Variants in SLC23A3 observed in about 807,000 individuals in gnomAD.
SLC23A3 encodes E2-binding protein 3.
Under a neutral mutation model 64.7 loss-of-function variants are expected in SLC23A3, and 41 were observed. That is an observed-to-expected ratio of 0.63 (90% confidence interval 0.49 to 0.82). SLC23A3 has a LOEUF of 0.82. SLC23A3 is among the 40% of genes least tolerant of loss of function. The pLI is 0.00. For missense variants in SLC23A3, 647 were observed against 733.4 expected (o/e 0.88, Z 1.36); for synonymous variants, 281 against 306.8 (o/e 0.92, Z 0.88).
intron 7 of SLC23A3, 60 bp downstream of exon 7, chr2:219,167,870 T>G (rs999779536): frequency 7.9e-7 from 1 of 1,273,842 alleles, no homozygotes; most frequent in African/African-American, 1.5e-5. Context: ...ATTAAGTTCT[T>G]TGAGTTCAAA....
In SLC23A3 at chr2:219,168,295, C is replaced by T. The variant is rs1559210392; in HGVS notation, c.698G>A (p.Cys233Tyr). The T allele has an allele frequency of 1.2e-6, 2 of 1,611,288 alleles. No homozygotes were observed. Residue 233 changes from cysteine (C) to tyrosine (Y), a missense_variant, in exon 6 of 12, where the codon TGT (cysteine) becomes TAT (tyrosine). Transcript: ENST00000409878. ...CTGGCAGGAGCCCAGGTGCTGAGAA[C>T]AGACCACCATGAGCAGGATAACCCT... ...ALLVILLMVV[C>Y]SQHLGSCQFH... is the part of the protein sequence containing the mutation.
rs1195118331 is a variant in SLC23A3 at position 219,162,587 on chromosome 2, T to G, written c.1442-193A>C. ...CAGGCCTTTCCCACAGGATTCCTGC[T>G]CAACACCCTGTGTTCTGATCATCCA... On this transcript the variant is annotated intron_variant, in intron 10 of 11. Transcript: ENST00000409878. 2.6e-5 allele frequency among the ~76,000 whole-genome samples: 4 copies of G among 152,212 alleles called. No individual in the cohort carries two copies. The East Asian group carries it at 7.7e-4, about 29-fold the overall frequency.
intron 5 of SLC23A3, 102 bp downstream of exon 5, chr2:219,168,550 C>A: frequency 8.1e-7 from 1 of 1,237,348 alleles, no homozygotes; most frequent in South Asian, 1.5e-5. Flanking sequence ...TGTCCCTATT[C>A]CAGTCGCTGC....
Position 219,168,259 on chromosome 2 carries a change from C to G in SLC23A3, c.734G>C (p.Cys245Ser). Residue 245 changes from cysteine to serine, a missense_variant, in exon 6 of 12, where the codon TGC becomes TCC. Physicochemically the swap from Cys to Ser is moderately radical, Grantham distance 112. Transcript: ENST00000409878. ...QHLGSCQFHV[C>S]PWRRASTSST... ...TGACGTTGAAGCTCGCCTCCAGGGG[C>G]ACACATGAAACTGGCAGGAGCCCAG... The G allele has an allele frequency of 6.2e-7, 1 of 1,613,906 alleles. No homozygotes were observed. Among genetic ancestry groups the G allele is most frequent in the East Asian group, 2.2e-5 (1 of 44,872 alleles).
intron 5 of SLC23A3, 159 bp from the exon 6 acceptor site, chr2:219,168,477 C>CA (rs1424603782): frequency 4.4e-6 from 5 of 1,132,046 alleles, no homozygotes; most frequent in Non-Finnish European, 3.7e-6. Flanking sequence ...CAGCAGAAAA[C>CA]AGTGTGAAAT....
At chr2:219,164,979 C>T (rs915135638) in intron 8 of SLC23A3, 190 bp downstream of exon 8, 8 of 704,252 alleles carry the variant, frequency 1.1e-5, no homozygotes, top group Non-Finnish European at 1.8e-5. Flanking sequence ...GTGCCTCATG[C>T]ACAGGAGTTC....
At chr2:219,166,132 C>CA (rs35073041) in intron 7 of SLC23A3, among the ~76,000 whole-genome samples, 55 of 143,180 alleles carry the variant, frequency 3.8e-4, no homozygotes, top group Middle Eastern at 3.5e-3. Context: ...AACTCCATTT[C>CA]AAAAAAAAAA....
At chr2:219,168,408 G>C (rs917149753) in intron 5 of SLC23A3, 90 bp from the exon 6 acceptor site, 15 of 1,404,874 alleles carry the variant, frequency 1.1e-5, no homozygotes, top group African/African-American at 1.5e-5. Context: ...TCATAAGAGC[G>C]GGGGGTGATA....
chr2:219,168,779 C>G lies in SLC23A3; in HGVS notation c.547G>C (p.Gly183Arg), dbSNP rs766127702. ...GLLQGMMGLLGSPGHVFPHCG... is the reference protein window; with the variant it reads ...GLLQGMMGLLRSPGHVFPHCG... The stretch of plus-strand genomic sequence containing the variant: ...TGGGGGAACACGTGGCCGGGACTCC[C>G]CAGCAGCCCCATCATGCCCTGCAGC... The change falls in exon 5 of 12, where the codon GGG (glycine) becomes CGG (arginine). Residue 183 changes from glycine (G) to arginine (R), a missense_variant. Gly to Arg is a moderately radical substitution (Grantham distance 125, BLOSUM62 -2). Transcript: ENST00000409878. The G allele has an allele frequency of 3.7e-6, 6 of 1,608,074 alleles. No homozygotes were observed. Among genetic ancestry groups the G allele is most frequent in the Non-Finnish European group, 5.1e-6 (6 of 1,176,926 alleles).
intron 9 of SLC23A3, among the ~76,000 whole-genome samples, chr2:219,163,916 G>A (rs942013880): frequency 2.6e-5 from 4 of 152,112 alleles, no homozygotes; most frequent in African/African-American, 7.2e-5. Flanking sequence ...TGGCCAGGCT[G>A]ATCTCGAACT....
At chr2:219,163,579 G>A (rs1574757048) in intron 9 of SLC23A3, 24 bp from the exon 10 acceptor site, 1 of 1,613,676 alleles carries the variant, frequency 6.2e-7, no homozygotes, top group Non-Finnish European at 8.5e-7. Flanking sequence ...AAGAAATCAA[G>A]GGGGTCAGGA....
chr2:219,168,604 C>T (rs1950027648), intron 5 of SLC23A3, 48 bp downstream of exon 5: 1 of 1,576,282 alleles, frequency 6.3e-7, no homozygotes, highest in African/African-American at 1.3e-5. Context: ...CTAGTCCCCC[C>T]ATACACCCCC....
intron 10 of SLC23A3, 41 bp downstream of exon 10, chr2:219,163,347 G>T: frequency 6.3e-7 from 1 of 1,597,582 alleles, no homozygotes; most frequent in Non-Finnish European, 8.6e-7. Flanking sequence ...GCCTCAACTT[G>T]CTTTCCTGCT....
chr2:219,166,984 G>C (rs147620902), intron 7 of SLC23A3, among the ~76,000 whole-genome samples: 28 of 152,330 alleles, frequency 1.8e-4, no homozygotes, highest in African/African-American at 6.7e-4. Context: ...TTTCTGTCAT[G>C]TTCATCACTA....
chr2:219,168,959 G>T, intron 4 of SLC23A3, 70 bp downstream of exon 4: 1 of 1,563,102 alleles, frequency 6.4e-7, no homozygotes, highest in Non-Finnish European at 8.8e-7. Context: ...CTCAGTCTGT[G>T]CATAATGGAA....
chr2:219,161,744 G>T lies in SLC23A3; in HGVS notation c.*165C>A. The T allele has an allele frequency of 1.6e-6, 1 of 626,264 alleles. No homozygotes were observed. The highest frequency in any genetic ancestry group is 2.6e-6 in the Non-Finnish European group (1 of 385,786). 38.8% of individuals were successfully genotyped at this position (626,264 alleles called of 1,614,324 possible). On this transcript the variant is annotated 3_prime_UTR_variant, in exon 12 of 12. Transcript: ENST00000409878. Reference sequence around the variant, plus strand: ...CTCTGGAACAGTTAGGCCTAATTAAGACAAGGAAAGGCAACCCACCCTATT... The same window carrying T: ...CTCTGGAACAGTTAGGCCTAATTAATACAAGGAAAGGCAACCCACCCTATT...
At position 219,164,164 on chromosome 2, in the gene SLC23A3, C is replaced by G. The variant is rs910644602; in HGVS notation, c.1273+69G>C. ...CTATTTAGAAGGAAAGGGTGCCATC[C>G]TAAAGAACTGATCAGGCCACACTGG... On this transcript the variant is annotated intron_variant, in intron 9 of 11. Transcript: ENST00000409878. 1.3e-5 allele frequency: 14 copies of G among 1,073,792 alleles called. No individual in the cohort carries two copies. In the Admixed American group the frequency reaches 2.5e-4, roughly 19 times the overall value. 66.5% of individuals were successfully genotyped at this position (1,073,792 alleles called of 1,614,324 possible).
chr2:219,162,485 G>GGACT, intron 10 of SLC23A3, 91 bp from the exon 11 acceptor site: 1 of 853,002 alleles, frequency 1.2e-6, no homozygotes, highest in South Asian at 1.5e-5. Context: ...CCTAAGCCTT[G>GGACT]GACTAAGGAC....
Position 219,168,191 on chromosome 2 carries a change from A to C in SLC23A3, c.798+4T>G. Reference sequence around the variant, plus strand: ...TCTACTGCCCTGCCCAGACCCACACATACCGAAAGGAGCCGGAAGACAGGG... The same window carrying C: ...TCTACTGCCCTGCCCAGACCCACACCTACCGAAAGGAGCCGGAAGACAGGG... On this transcript the variant is annotated splice_donor_region_variant and intron_variant, in intron 6 of 11. Coordinates refer to ENST00000409878, the MANE Select transcript of SLC23A3 (RefSeq NM_001144889.2). 1 of 1,613,786 alleles carries C rather than the reference A, an allele frequency of 6.2e-7. No homozygotes were observed. The highest frequency in any genetic ancestry group is 8.5e-7 in the Non-Finnish European group (1 of 1,179,796).
Sources: allele counts gnomAD v4.1 joint callset (sites outside exome capture counted in the v4.1 genomes callset), GRCh38; gene constraint gnomAD v4.1.1; transcripts MANE v1.5; gene names NCBI Gene and HGNC (gene_info 2026-07-23, HGNC 2026-07-21).